The following CPS1 variants were observed in gnomAD, a reference collection of about 807,000 sequenced individuals.
CPS1 encodes the protein carbamoyl-phosphate synthase [ammonia], mitochondrial.
A neutral mutation model predicts 174.6 loss-of-function variants in CPS1; 109 were observed. The observed-to-expected ratio is 0.62, with a 90% CI of 0.53 to 0.73. The LOEUF (loss-of-function observed/expected upper bound fraction) is 0.73. Ranked by LOEUF, CPS1 falls within the 30% of genes least tolerant of loss-of-function variation. The pLI, the probability that CPS1 is intolerant of heterozygous loss-of-function variation, is 0.00. For missense variants in CPS1, 1,689 were observed against 1,821.9 expected (o/e 0.93, Z 1.33); for synonymous variants, 637 against 632.0 (o/e 1.01, Z -0.12).
In CPS1 at chr2:210,599,448, C is replaced by A. The variant is rs187860166; in HGVS notation, c.1436C>A (p.Ala479Glu). The stretch of plus-strand genomic sequence containing the variant: ...ACCAATGAGGTGGGCTTAAAGCAAG[C>A]GGATACTGTCTACTTTCTTCCCATC... ...VQTNEVGLKQ[A>E]DTVYFLPITP... Residue 479 changes from alanine (A) to glutamate (E), a missense_variant, in exon 14 of 38, where the codon GCG (alanine) becomes GAG (glutamate). Transcript: ENST00000233072. 1 of 1,612,528 alleles carries A rather than the reference C, an allele frequency of 6.2e-7. No homozygotes were observed. The highest frequency in any genetic ancestry group is 2.2e-5 in the East Asian group (1 of 44,804).
chr2:210,477,723 T>C (rs1448448700), exon 1 of CPS1: 1 of 1,612,534 alleles, frequency 6.2e-7, no homozygotes, highest in African/African-American at 1.3e-5. Context: ...TGTAGTTGCT[T>C]TCTTAACCTC....
chr2:210,594,580 C>G lies in CPS1; in HGVS notation c.1237C>G (p.Pro413Ala). 3 of 1,611,144 alleles carry G rather than the reference C, an allele frequency of 1.9e-6. No homozygotes were observed. The highest frequency in any genetic ancestry group is 2.5e-6 in the Non-Finnish European group (3 of 1,178,142). Reference protein sequence around the residue: ...ATTITSVLPKPALVASRVEVS... With the variant: ...ATTITSVLPKAALVASRVEVS... Reference sequence around the variant, plus strand: ...CACCATTACATCAGTCTTACCGAAGCCAGCACTAGTTGCATCTCGGGTTGA... The same window carrying G: ...CACCATTACATCAGTCTTACCGAAGGCAGCACTAGTTGCATCTCGGGTTGA... Residue 413 changes from proline (P) to alanine (A), a missense_variant, in exon 12 of 38, where the codon CCA becomes GCA. By Grantham distance (27) the Pro-to-Ala change is conservative (BLOSUM62 -1). Transcript: ENST00000233072.
Position 210,542,829 on chromosome 2 carries a change from A to T in CPS1, c.4-13890A>T, listed in dbSNP as rs553200912. Among the ~76,000 whole-genome samples, 418 of 152,212 alleles carry T rather than the reference A, an allele frequency of 2.7e-3. 1 individual carries two copies. The highest frequency in any genetic ancestry group is 9.4e-3 in the African/African-American group (392 of 41,540). ...TCTTCTCATGTTTTGTCTATTTTTTAACATCCTAGTCACTCTCTGATCTAC... is the reference window on the plus strand; with the variant it reads ...TCTTCTCATGTTTTGTCTATTTTTTTACATCCTAGTCACTCTCTGATCTAC... On this transcript the variant is annotated intron_variant, in intron 1 of 38. Transcript: ENST00000430249.
At chr2:210,549,502 A>G (rs1696665313) in intron 1 of CPS1, among the ~76,000 whole-genome samples, 1 of 152,048 alleles carries the variant, frequency 6.6e-6, no homozygotes, top group African/African-American at 2.4e-5. Context: ...GTTGAGTTTG[A>G]TTTGTGTAAT....
Position 210,660,596 on chromosome 2 carries a change from G to A in CPS1, c.3868G>A (p.Glu1290Lys). The A allele has an allele frequency of 6.2e-7, 1 of 1,614,146 alleles. No individual in the cohort carries two copies. The highest frequency in any genetic ancestry group is 1.3e-5 in the African/African-American group (1 of 75,066). The change falls in exon 32 of 38, where the codon GAG (glutamate) becomes AAG (lysine). Residue 1290 changes from glutamate (E) to lysine (K), a missense_variant. Coordinates refer to ENST00000233072, the MANE Select transcript of CPS1 (RefSeq NM_001875.5). ...GGTGATGATTGGAGAGAATGTTGATGAGAAACATCTTCCAACATTGGACCA... is the reference window on the plus strand; with the variant it reads ...GGTGATGATTGGAGAGAATGTTGATAAGAAACATCTTCCAACATTGGACCA... ...TKVMIGENVD[E>K]KHLPTLDHPI...
chr2:210,517,894 A>C (rs1215811724), intron 1 of CPS1, among the ~76,000 whole-genome samples: 1 of 152,006 alleles, frequency 6.6e-6, no homozygotes, highest in East Asian at 1.9e-4. Flanking sequence ...TACCTTTGGT[A>C]ACTGTTAGCC....
chr2:210,607,996 A>T (rs1264661775), intron 18 of CPS1, among the ~76,000 whole-genome samples: 1 of 151,938 alleles, frequency 6.6e-6, no homozygotes, highest in Non-Finnish European at 1.5e-5. Flanking sequence ...ACAGATATGT[A>T]TATATTTTCT....
intron 31 of CPS1, 60 bp downstream of exon 31, chr2:210,658,748 C>A: frequency 8.0e-7 from 1 of 1,242,956 alleles, no homozygotes; most frequent in Non-Finnish European, 1.2e-6. Flanking sequence ...TGTTGGTTTG[C>A]ATCTCTCTGG....
chr2:210,529,109 G>T (rs1033097636), intron 1 of CPS1, among the ~76,000 whole-genome samples: 1 of 151,850 alleles, frequency 6.6e-6, no homozygotes, highest in Admixed American at 6.6e-5. Context: ...TATAAAGCTA[G>T]TGTTAGGATA....
In CPS1 at chr2:210,677,941, A is replaced by C; in HGVS notation, c.4459A>C (p.Ser1487Arg). ...VQKSRKVDSK[S>R]LFHYRQYSAG... is the part of the protein sequence containing the mutation. ...GAAATCTCGCAAGGTGGACTCCAAGAGTCTTTTCCACTACAGGCAGTACAG... is the reference window on the plus strand; with the variant it reads ...GAAATCTCGCAAGGTGGACTCCAAGCGTCTTTTCCACTACAGGCAGTACAG... Residue 1487 changes from serine to arginine, a missense_variant, in exon 38 of 38, where the codon AGT (serine) becomes CGT (arginine). Physicochemically the swap from Ser to Arg is moderately radical, Grantham distance 110. Transcript: ENST00000233072. 1 of 1,614,146 alleles carries C rather than the reference A, an allele frequency of 6.2e-7. No individual in the cohort carries two copies. Among genetic ancestry groups the C allele is most frequent in the Non-Finnish European group, 8.5e-7 (1 of 1,179,986 alleles).
At chr2:210,625,301 T>C (rs1699664800) in intron 21 of CPS1, among the ~76,000 whole-genome samples, 3 of 152,060 alleles carry the variant, frequency 2.0e-5, no homozygotes, top group Admixed American at 2.0e-4. Flanking sequence ...ATTGAATCTA[T>C]AATATAGGTT....
Position 210,606,905 on chromosome 2 carries a change from T to A in CPS1, c.2156T>A (p.Leu719Gln). ...EYCIIEVNARLSRSSALASKA... is the reference protein window; with the variant it reads ...EYCIIEVNARQSRSSALASKA... ...TGCATCATTGAAGTGAATGCCAGAC[T>A]GTCCCGAAGCTCTGCTCTGGCCTCA... Residue 719 changes from leucine (L) to glutamine (Q), a missense_variant, in exon 18 of 38, where the codon CTG (leucine) becomes CAG (glutamine). Coordinates refer to ENST00000233072, the MANE Select transcript of CPS1 (RefSeq NM_001875.5). 6.2e-7 allele frequency: 1 copy of A among 1,612,514 alleles called. No individual in the cohort carries two copies. Among genetic ancestry groups the A allele is most frequent in the South Asian group, 1.1e-5 (1 of 91,062 alleles).
intron 1 of CPS1, among the ~76,000 whole-genome samples, chr2:210,495,860 G>A (rs182540764): frequency 1.1e-3 from 161 of 152,132 alleles, no homozygotes; most frequent in African/African-American, 3.5e-3. Context: ...CTGTGTATGT[G>A]TGTGTGGGTG....
At chr2:210,606,676 T>C (rs894584199) in intron 17 of CPS1, 55 bp from the exon 18 acceptor site, 1 of 1,533,128 alleles carries the variant, frequency 6.5e-7, no homozygotes, top group Admixed American at 1.7e-5. Flanking sequence ...GTTAAGTCGC[T>C]GAAGTTGGTT....
At chr2:210,514,715 T>C (rs1001464563) in intron 1 of CPS1, among the ~76,000 whole-genome samples, 1 of 151,764 alleles carries the variant, frequency 6.6e-6, no homozygotes, top group Non-Finnish European at 1.5e-5. Context: ...TAGTACTATG[T>C]TGAATTGGTT....
chr2:210,602,335 G>A lies in CPS1; in HGVS notation c.1836+5G>A. 1.2e-6 allele frequency: 2 copies of A among 1,612,336 alleles called. No individual in the cohort carries two copies. Among genetic ancestry groups the A allele is most frequent in the Non-Finnish European group, 1.7e-6 (2 of 1,178,886 alleles). Reference sequence around the variant, plus strand: ...TTGATGGACCTCAGCACAAAGGTATGTATTTTTGTAGACAATATTCTTACC... The same window carrying A: ...TTGATGGACCTCAGCACAAAGGTATATATTTTTGTAGACAATATTCTTACC... On this transcript the variant is annotated splice_donor_5th_base_variant and intron_variant, in intron 16 of 37. Transcript: ENST00000233072.
chr2:210,648,141 A>T, intron 26 of CPS1, 84 bp downstream of exon 26: 1 of 1,360,254 alleles, frequency 7.4e-7, no homozygotes, highest in South Asian at 1.2e-5. Flanking sequence ...TGACTATTGG[A>T]TATGTTAACT....
chr2:210,623,599 A>G (rs1392564609), intron 21 of CPS1, among the ~76,000 whole-genome samples: 1 of 152,108 alleles, frequency 6.6e-6, no homozygotes, highest in African/African-American at 2.4e-5. Context: ...GTGGTGAAAA[A>G]TCATAGGCGT....
intron 3 of CPS1, 125 bp downstream of exon 3, chr2:210,576,615 T>A (rs755897160): frequency 1.6e-4 from 153 of 986,444 alleles, no homozygotes; most frequent in Non-Finnish European, 2.3e-4. Context: ...AGCTCATGTA[T>A]TCAATCTTAT....
Sources: allele counts gnomAD v4.1 joint callset (sites outside exome capture counted in the v4.1 genomes callset), GRCh38; gene constraint gnomAD v4.1.1; transcripts MANE v1.5; gene names NCBI Gene and HGNC (gene_info 2026-07-23, HGNC 2026-07-21).